SHROOM3: variants seen among roughly 807,000 people sequenced by gnomAD.
SHROOM3 encodes shroom family member 3.
Under a neutral mutation model 138.6 loss-of-function variants are expected in SHROOM3, and 47 were observed. The ratio of observed to expected loss-of-function variants is 0.34; its 90% CI spans 0.27 to 0.43. The LOEUF is 0.43. SHROOM3 is among the 20% of genes least tolerant of loss of function. The pLI is 1.00. For missense variants in SHROOM3, 2,491 were observed against 2,596.5 expected (o/e 0.96, Z 0.88); for synonymous variants, 1,062 against 1,063.3 (o/e 1.00, Z 0.02).
chr4:76,616,024 A>G (rs1304991875), intron 2 of SHROOM3, among the ~76,000 whole-genome samples: 1 of 152,186 alleles, frequency 6.6e-6, no homozygotes, highest in Non-Finnish European at 1.5e-5. Flanking sequence ...TAGACTCCAG[A>G]GGGCAGAATT....
At chr4:76,478,425 T>G (rs990266293) in intron 1 of SHROOM3, among the ~76,000 whole-genome samples, 1 of 152,234 alleles carries the variant, frequency 6.6e-6, no homozygotes, top group Non-Finnish European at 1.5e-5. Flanking sequence ...ACTGCCTCTC[T>G]AGATTCTGCC....
intron 2 of SHROOM3, among the ~76,000 whole-genome samples, chr4:76,563,046 C>A (rs1354077918): frequency 4.6e-5 from 7 of 152,170 alleles, no homozygotes; most frequent in Non-Finnish European, 1.0e-4. Context: ...GGCCATCATA[C>A]CACGGTGCTA....
intron 1 of SHROOM3, among the ~76,000 whole-genome samples, chr4:76,535,206 G>A (rs1041953069): frequency 2.0e-5 from 3 of 151,950 alleles, no homozygotes; most frequent in Non-Finnish European, 4.4e-5. Flanking sequence ...TTTTGTATCC[G>A]CTAGGCCTAG....
At chr4:76,476,926 T>A (rs1303032841) in intron 1 of SHROOM3, among the ~76,000 whole-genome samples, 2 of 152,172 alleles carry the variant, frequency 1.3e-5, no homozygotes, top group African/African-American at 4.8e-5. Context: ...ATTAAAGATA[T>A]AAGAGAATGT....
chr4:76,505,775 C>T (rs1579200012), intron 1 of SHROOM3, among the ~76,000 whole-genome samples: 1 of 151,716 alleles, frequency 6.6e-6, no homozygotes, highest in East Asian at 1.9e-4. Context: ...ATCCTCCCAC[C>T]TCAGCCTTCC....
At chr4:76,438,909 T>C (rs1377462646) in intron 1 of SHROOM3, among the ~76,000 whole-genome samples, 1 of 152,204 alleles carries the variant, frequency 6.6e-6, no homozygotes, top group Non-Finnish European at 1.5e-5. Flanking sequence ...ACTGAATTAA[T>C]AAGCAAAAGA....
At chr4:76,565,910 C>G (rs796098122) in intron 2 of SHROOM3, among the ~76,000 whole-genome samples, 5 of 151,960 alleles carry the variant, frequency 3.3e-5, no homozygotes, top group African/African-American at 1.2e-4. Context: ...GAGTCCAGGT[C>G]TGCCTCCAGA....
intron 10 of SHROOM3, among the ~76,000 whole-genome samples, chr4:76,774,709 GT>G (rs201566335): frequency 3.6e-5 from 5 of 139,092 alleles, no homozygotes; most frequent in Non-Finnish European, 3.1e-5. Context: ...GTTTTTTGGG[GT>G]TTTTTTTTTG....
At chr4:76,596,815 G>T (rs1047069357) in intron 2 of SHROOM3, among the ~76,000 whole-genome samples, 1 of 152,158 alleles carries the variant, frequency 6.6e-6, no homozygotes, top group African/African-American at 2.4e-5. Context: ...AAGCTTCTGG[G>T]ATTCTGTCCC....
intron 2 of SHROOM3, among the ~76,000 whole-genome samples, chr4:76,694,831 G>C (rs1719674147): frequency 6.6e-6 from 1 of 152,106 alleles, no homozygotes. Context: ...GTTTTGTGCT[G>C]GCTGATTTTA....
chr4:76,456,932 T>A (rs997971353), intron 1 of SHROOM3, among the ~76,000 whole-genome samples: 3 of 152,176 alleles, frequency 2.0e-5, no homozygotes, highest in Non-Finnish European at 2.9e-5. Context: ...TGGGGAGAAT[T>A]ACAAAGAACC....
chr4:76,754,512 C>T lies in SHROOM3; in HGVS notation c.4029C>T (p.Val1343=). 3.1e-6 allele frequency: 5 copies of T among 1,613,950 alleles called. No individual in the cohort carries two copies. The highest frequency in any genetic ancestry group is 4.2e-6 in the Non-Finnish European group (5 of 1,179,894). ...RPPLAGTQGL[V]TDTRAAPLTP... is the part of the protein sequence containing the mutation. ...CACTGGCAGGAACGCAAGGGCTGGT[C>T]ACAGACACCAGGGCTGCACCCCTGA... is the stretch of plus-strand genomic sequence containing the variant. The change falls in exon 7 of 11, where the codon GTC becomes GTT. Residue 1343 remains valine, a synonymous_variant. Coordinates refer to ENST00000296043, the MANE Select transcript of SHROOM3 (RefSeq NM_020859.4).
At chr4:76,706,440 T>C (rs1720058250) in intron 2 of SHROOM3, among the ~76,000 whole-genome samples, 1 of 152,072 alleles carries the variant, frequency 6.6e-6, no homozygotes, top group African/African-American at 2.4e-5. Flanking sequence ...GCTAAGAAAA[T>C]CATAAGGAAG....
At position 76,757,041 on chromosome 4, in the gene SHROOM3, G is replaced by C. The variant is rs1027281021; in HGVS notation, c.5198+104G>C. 22 of 1,570,910 alleles carry C rather than the reference G, an allele frequency of 1.4e-5. No homozygotes were observed. The African/African-American group carries it at 3.0e-4, about 21-fold the overall frequency. On this transcript the variant is annotated intron_variant, in intron 8 of 10. Coordinates refer to ENST00000296043, the MANE Select transcript of SHROOM3 (RefSeq NM_020859.4). ...TGCCTGATGTTCTCCTACTGCCACAGCTCCTGAACCAAGAGTGACATTTTA... is the reference window on the plus strand; with the variant it reads ...TGCCTGATGTTCTCCTACTGCCACACCTCCTGAACCAAGAGTGACATTTTA...
At chr4:76,679,002 T>C (rs1719118459) in intron 2 of SHROOM3, among the ~76,000 whole-genome samples, 1 of 152,222 alleles carries the variant, frequency 6.6e-6, no homozygotes, top group Non-Finnish European at 1.5e-5. Context: ...TTGTTGTTGA[T>C]GTTTTTTATT....
chr4:76,612,979 A>G (rs1734795193), intron 2 of SHROOM3, among the ~76,000 whole-genome samples: 1 of 152,226 alleles, frequency 6.6e-6, no homozygotes, highest in Non-Finnish European at 1.5e-5. Flanking sequence ...TGAATAGCCA[A>G]CTAAGTTAGA....
chr4:76,653,651 C>T (rs533794561), intron 2 of SHROOM3, among the ~76,000 whole-genome samples: 5 of 152,188 alleles, frequency 3.3e-5, no homozygotes, highest in South Asian at 2.1e-4. Context: ...CTGCAACCTC[C>T]GCCTCCTGGG....
At chr4:76,473,879 G>C (rs1731430112) in intron 1 of SHROOM3, among the ~76,000 whole-genome samples, 1 of 152,102 alleles carries the variant, frequency 6.6e-6, no homozygotes, top group African/African-American at 2.4e-5. Flanking sequence ...AATGTAAAAT[G>C]GTATAGTTGC....
chr4:76,477,129 G>A (rs552978070), intron 1 of SHROOM3, among the ~76,000 whole-genome samples: 16 of 152,074 alleles, frequency 1.1e-4, no homozygotes, highest in African/African-American at 2.7e-4. Context: ...CACCACGCCC[G>A]GCTAATTTTT....
Sources: gnomAD v4.1 joint callset for allele counts (sites outside exome capture counted in the v4.1 genomes callset) on GRCh38, gnomAD v4.1.1 for gene constraint, MANE v1.5 for transcripts, NCBI Gene and HGNC (gene_info 2026-07-23, HGNC 2026-07-21) for gene names.